PSG7: variants seen among roughly 807,000 people sequenced by gnomAD.
PSG7 encodes pregnancy-specific beta-1-glycoprotein 7.
Under a neutral mutation model 45.6 loss-of-function variants are expected in PSG7, and 57 were observed. The ratio of observed to expected loss-of-function variants is 1.25; its 90% CI spans 1.01 to 1.56. PSG7 has a LOEUF of 1.56. Ranked by LOEUF, PSG7 falls within the 40% of genes most tolerant of loss-of-function variation. PSG7 has a pLI of 0.00. For missense variants in PSG7, 796 were observed against 508.4 expected, an observed-to-expected ratio of 1.57 and a Z score of -5.44; for synonymous variants, 298 against 194.4, an observed-to-expected ratio of 1.53 and a Z score of -4.43.
rs1326495102 is a variant in PSG7, at chr19:42,937,050, G to A, written c.27C>T (p.Cys9=). Residue 9 remains cysteine, a synonymous_variant, in exon 1 of 6, where the codon TGC becomes TGT. Coordinates refer to ENST00000406070, the MANE Select transcript of PSG7 (RefSeq NM_002783.3). Reference sequence around the variant, plus strand: ...GCCCTTTCCAGGTTATATGCTGTGTGCAGGGAGGGGCTGAGAGGGGCCCCA... The same window carrying A: ...GCCCTTTCCAGGTTATATGCTGTGTACAGGGAGGGGCTGAGAGGGGCCCCA... MGPLSAPP[C]TQHITWKGLL... 1.9e-6 allele frequency: 3 copies of A among 1,611,582 alleles called. No individual in the cohort carries two copies. The South Asian group carries it at 3.3e-5, about 18-fold the overall frequency.
In PSG7 at chr19:42,925,909, A is replaced by G. The variant is rs776335892; in HGVS notation, c.1107T>C (p.Asn369=). The G allele has an allele frequency of 1.2e-6, 2 of 1,612,234 alleles. No individual in the cohort carries two copies. The highest frequency in any genetic ancestry group is 1.7e-4 in the Middle Eastern group (1 of 6,058). ...NPPAQYSWTI[N]GKFQLSGQKL... ...TTTGTCCTGATAGCTGAAACTTCCC[A>G]TTAATTGTCCAAGAATACTGTGCCG... is the stretch of plus-strand genomic sequence containing the variant. Residue 369 remains asparagine, a synonymous_variant, in exon 5 of 6, where the codon AAT becomes AAC. Transcript: ENST00000406070.
chr19:42,933,032 C>T (rs574661515), intron 2 of PSG7, among the ~76,000 whole-genome samples: 1 of 149,950 alleles, frequency 6.7e-6, no homozygotes, highest in South Asian at 2.2e-4. Context: ...GTCATGTGGT[C>T]CCTACCTAGA....
chr19:42,936,977 C>A (rs565259300), intron 1 of PSG7, 36 bp downstream of exon 1: 1 of 1,607,622 alleles, frequency 6.2e-7, no homozygotes, highest in East Asian at 2.2e-5. Flanking sequence ...ACTCTGCTTC[C>A]TTTTCCTGTC....
rs752082896 is a variant in PSG7, at chr19:42,926,585, G to A, written c.841C>T (p.Pro281Ser). 2 of 1,610,270 alleles carry A rather than the reference G, an allele frequency of 1.2e-6. No individual in the cohort carries two copies. Among genetic ancestry groups the A allele is most frequent in the South Asian group, 1.1e-5 (1 of 90,520 alleles). ...CGTCGCTTTACCCTGGGACTGACCGGGAGGCTCTGACCATTTAGCCACCAA... is the reference window on the plus strand; with the variant it reads ...CGTCGCTTTACCCTGGGACTGACCGAGAGGCTCTGACCATTTAGCCACCAA... Reference protein sequence around the residue: ...YIWWLNGQSLPVSPRVKRRIE... With the variant: ...YIWWLNGQSLSVSPRVKRRIE... The change falls in exon 4 of 6, where the codon CCG (proline) becomes TCG (serine). Residue 281 changes from proline (P) to serine (S), a missense_variant. Physicochemically the swap from Pro to Ser is moderately conservative, Grantham distance 74 (BLOSUM62 -1). Coordinates refer to ENST00000406070, the MANE Select transcript of PSG7 (RefSeq NM_002783.3).
chr19:42,935,307 A>G (rs1181955359), intron 2 of PSG7, 97 bp downstream of exon 2: 6 of 1,516,704 alleles, frequency 4.0e-6, no homozygotes, highest in African/African-American at 1.4e-5. Context: ...TAATGCAGAG[A>G]GGGACACAGG....
intron 3 of PSG7, chr19:42,929,166 G>C (rs980107487): frequency 1.4e-6 from 1 of 691,246 alleles, no homozygotes. Context: ...CCAAATCCCC[G>C]CTGTGTTCAT....
Position 42,926,524 on chromosome 19 carries a change from G to A in PSG7, c.902C>T (p.Thr301Met), listed in dbSNP as rs535481675. ...TTGATAGGGTCCTGTTTCATTTCTC[G>A]TGACACTGGGTAGAATGAGGATCCT... ...ENRILILPSV[T>M]RNETGPYQCE... The change falls in exon 4 of 6, where the codon ACG becomes ATG. Residue 301 changes from threonine (T) to methionine (M), a missense_variant. By Grantham distance (81) the Thr-to-Met change is moderately conservative. Transcript: ENST00000406070. The A allele has an allele frequency of 2.2e-5, 35 of 1,610,780 alleles. 1 individual carries two copies. The highest frequency in any genetic ancestry group is 1.9e-4 in the Middle Eastern group (1 of 5,246).
rs1972964120 is a variant in PSG7, at chr19:42,929,336, G to T, written c.709+106C>A. 3 of 1,598,646 alleles carry T rather than the reference G, an allele frequency of 1.9e-6. 1 individual carries two copies. The highest frequency in any genetic ancestry group is 1.3e-5 in the African/African-American group (1 of 74,514). On this transcript the variant is annotated intron_variant, in intron 3 of 5. Transcript: ENST00000406070. Reference sequence around the variant, plus strand: ...GTCACCACCAGCTTTGATGTCCAGGGGTAAAGGTCTACATACTTGGACCTG... The same window carrying T: ...GTCACCACCAGCTTTGATGTCCAGGTGTAAAGGTCTACATACTTGGACCTG...
intron 2 of PSG7, among the ~76,000 whole-genome samples, chr19:42,933,411 T>G (rs1456915790): frequency 1.4e-5 from 2 of 145,452 alleles, no homozygotes; most frequent in African/African-American, 5.1e-5. Context: ...TCCCATGGTC[T>G]TGTCCACAGG....
intron 2 of PSG7, among the ~76,000 whole-genome samples, chr19:42,933,562 G>T (rs1015776614): frequency 2.7e-5 from 4 of 149,892 alleles, no homozygotes; most frequent in Non-Finnish European, 5.9e-5. Flanking sequence ...TATTTCCTGG[G>T]AGGTGGGCCA....
chr19:42,928,426 G>C (rs531748900), intron 3 of PSG7, among the ~76,000 whole-genome samples: 8 of 151,472 alleles, frequency 5.3e-5, no homozygotes, highest in Non-Finnish European at 1.0e-4. Context: ...AATGAAATGT[G>C]TTTCCATATA....
chr19:42,926,016 G>C lies in PSG7; in HGVS notation c.1000C>G (p.Leu334Val). Residue 334 changes from leucine (L) to valine (V), a missense_variant, in exon 5 of 6, where the codon CTC (leucine) becomes GTC (valine). Coordinates refer to ENST00000406070, the MANE Select transcript of PSG7 (RefSeq NM_002783.3). ...GTGAATGAAGGGTAAATTCTGGGGA[G>C]GTCTGGACCATCTGGAGGAAAGAGA... ...VTLNVLYGPD[L>V]PRIYPSFTYY... 2 of 1,611,706 alleles carry C rather than the reference G, an allele frequency of 1.2e-6. No individual in the cohort carries two copies. Among genetic ancestry groups the C allele is most frequent in the Non-Finnish European group, 1.7e-6 (2 of 1,178,850 alleles).
chr19:42,935,740 T>C lies in PSG7; in HGVS notation c.94A>G (p.Thr32Ala). The part of the protein sequence containing the change: ...ASLLNFWNPP[T>A]TAQVTIEAQP... ...GCTTCAATCGTGACTTGGGCTGTGG[T>C]GGGCGGGTTCCAGAAGTTTAAAAGT... The change falls in exon 2 of 6, where the codon ACC becomes GCC. Residue 32 changes from threonine (T) to alanine (A), a missense_variant. Coordinates refer to ENST00000406070, the MANE Select transcript of PSG7 (RefSeq NM_002783.3). 1.2e-6 allele frequency: 2 copies of C among 1,611,252 alleles called. No homozygotes were observed. The highest frequency in any genetic ancestry group is 8.5e-7 in the Non-Finnish European group (1 of 1,178,784).
In PSG7 at chr19:42,929,455, G is replaced by C; in HGVS notation, c.696C>G (p.Thr232=). Residue 232 remains threonine, a synonymous_variant, in exon 3 of 6, where the codon ACC becomes ACG. Coordinates refer to ENST00000406070, the MANE Select transcript of PSG7 (RefSeq NM_002783.3). ...PVSASRSDPV[T]LNLLPKLPKP... is the part of the protein sequence containing the mutation. ...GAAGATACTCACGGAGGAGATTCAG[G>C]GTGACTGGGTCACTGCGGCTGGCAC... 1.2e-6 allele frequency: 2 copies of C among 1,612,438 alleles called. No homozygotes were observed. Among genetic ancestry groups the C allele is most frequent in the Non-Finnish European group, 1.7e-6 (2 of 1,179,134 alleles).
Position 42,937,092 on chromosome 19 carries a change from C to T in PSG7, c.-16G>A, listed in dbSNP as rs371620472. The T allele has an allele frequency of 8.5e-5, 136 of 1,609,454 alleles. 3 individuals are homozygous for T. Among genetic ancestry groups the T allele is most frequent in the Middle Eastern group, 6.6e-4 (4 of 6,030 alleles). ...GGGGCCCCATGGTCTCTGCTCCCTG[C>T]GTGTTCTCCTCTGTGGAGATGAGCC... On this transcript the variant is annotated 5_prime_UTR_variant, in exon 1 of 6. Coordinates refer to ENST00000406070, the MANE Select transcript of PSG7 (RefSeq NM_002783.3).
At chr19:42,925,416 A>G in intron 5 of PSG7, 3 of 483,586 alleles carry the variant, frequency 6.2e-6, no homozygotes, top group Non-Finnish European at 6.9e-6. Flanking sequence ...GAACCACTAT[A>G]AGCTAGAGAT....
At chr19:42,926,882 C>G (rs1972905990) in intron 3 of PSG7, 166 bp from the exon 4 acceptor site, 1 of 1,327,406 alleles carries the variant, frequency 7.5e-7, no homozygotes, top group Non-Finnish European at 1.0e-6. Flanking sequence ...TCTAAGGGCT[C>G]AAAGACTGTG....
rs549370458 is a variant in PSG7, at chr19:42,934,177, A to G, written c.430+1227T>C. Among the ~76,000 whole-genome samples, 54 of 151,530 alleles carry G rather than the reference A, an allele frequency of 3.6e-4. 3 individuals are homozygous for G. Among genetic ancestry groups the G allele is most frequent in the South Asian group, 6.3e-4 (3 of 4,758 alleles). ...TGGGAAACACAGGATTTCAGGTTCAATGATGGGTGTTAAGATCTGAGGGGG... is the reference window on the plus strand; with the variant it reads ...TGGGAAACACAGGATTTCAGGTTCAGTGATGGGTGTTAAGATCTGAGGGGG... On this transcript the variant is annotated intron_variant, in intron 2 of 5. Coordinates refer to ENST00000406070, the MANE Select transcript of PSG7 (RefSeq NM_002783.3).
At chr19:42,927,413 A>C (rs1972918776) in intron 3 of PSG7, 1 of 152,858 alleles carries the variant, frequency 6.5e-6, no homozygotes, top group South Asian at 2.1e-4. Flanking sequence ...GACAAGCAAG[A>C]GCTGGTGGTT....
Sources: gnomAD v4.1 joint callset for allele counts (sites outside exome capture counted in the v4.1 genomes callset) on GRCh38, gnomAD v4.1.1 for gene constraint, MANE v1.5 for transcripts, NCBI Gene and HGNC (gene_info 2026-07-23, HGNC 2026-07-21) for gene names.